The following C12orf54 variants were observed in gnomAD, a reference collection of about 807,000 sequenced individuals.
C12orf54 encodes the protein uncharacterized protein C12orf54.
C12orf54 carries 24 observed loss-of-function variants against 26.4 expected under a neutral mutation model. The observed-to-expected ratio is 0.91, with a 90% CI of 0.66 to 1.28. The LOEUF is 1.28. Among genes scored for constraint, C12orf54 ranks in the 50% most tolerant of loss-of-function variants. The pLI is 0.00. For synonymous variants in C12orf54, 54 were observed against 47.0 expected (o/e 1.15, Z -0.61); for missense variants, 154 against 150.9 (o/e 1.02, Z -0.11).
chr12:48,442,523 A>T, the C12orf54 span: 1 of 157,472 alleles, frequency 6.4e-6, no homozygotes, highest in African/African-American at 2.4e-5. Flanking sequence ...GCCCCCCACC[A>T]GCCCTGAACA....
the C12orf54 span, among the ~76,000 whole-genome samples, chr12:48,465,522 A>G: frequency 2.3e-4 from 35 of 152,144 alleles, no homozygotes; most frequent in African/African-American, 8.4e-4. Context: ...TCAAAGACCT[A>G]AAAACAGAAA....
At chr12:48,493,578 G>A (rs2731108) in intron 7 of C12orf54, among the ~76,000 whole-genome samples, 49,717 of 145,670 alleles carry the variant, frequency 0.34, 8,723 homozygotes, top group African/African-American at 0.36. Context: ...CCATGATCAT[G>A]CCACTTCCCT....
chr12:48,445,180 A>C, the C12orf54 span, among the ~76,000 whole-genome samples: 6 of 152,158 alleles, frequency 3.9e-5, no homozygotes, highest in South Asian at 1.0e-3. Flanking sequence ...CTCTTAAAAA[A>C]AAAAATTAAT....
the C12orf54 span, among the ~76,000 whole-genome samples, chr12:48,444,949 G>C: frequency 1.3e-5 from 2 of 152,178 alleles, no homozygotes; most frequent in South Asian, 2.1e-4. Flanking sequence ...GAGGTGGGCG[G>C]ATCACGAGGT....
At chr12:48,487,836 CCACAGTTCCAACAGTCA>C in intron 4 of C12orf54, 2 of 492,064 alleles carry the variant, frequency 4.1e-6, no homozygotes, top group Non-Finnish European at 3.6e-6. Flanking sequence ...GGGAGACAAC[CCACAGTTCCAACAGTCA>C]CTGGATCCAT....
chr12:48,418,286 C>T, the C12orf54 span, among the ~76,000 whole-genome samples: 1 of 152,144 alleles, frequency 6.6e-6, no homozygotes, highest in African/African-American at 2.4e-5. Flanking sequence ...TTTACTGCCT[C>T]TGTGCTGTCA....
the C12orf54 span, among the ~76,000 whole-genome samples, chr12:48,422,636 T>A: frequency 1.8e-3 from 276 of 152,258 alleles, no homozygotes; most frequent in African/African-American, 6.1e-3. Flanking sequence ...ATCTCAGAAG[T>A]TCTTAGAGGC....
At chr12:48,415,502 C>A in the C12orf54 span, among the ~76,000 whole-genome samples, 2 of 152,144 alleles carry the variant, frequency 1.3e-5, no homozygotes, top group Non-Finnish European at 2.9e-5. Flanking sequence ...CTCAACACAG[C>A]TAACCTCTCT....
At chr12:48,416,958 A>G in the C12orf54 span, among the ~76,000 whole-genome samples, 7 of 152,122 alleles carry the variant, frequency 4.6e-5, no homozygotes, top group African/African-American at 1.7e-4. Context: ...TGAGTTTGGT[A>G]TGATCTCCCC....
At chr12:48,482,708 CCTT>C (rs1954210789) in intron 1 of C12orf54, 132 bp downstream of exon 1, 1 of 151,976 alleles carries the variant, frequency 6.6e-6, no homozygotes, top group African/African-American at 2.4e-5. Context: ...GCCTATGAGC[CCTT>C]CTTCTCTACA....
the C12orf54 span, chr12:48,442,873 G>A: frequency 6.5e-6 from 1 of 154,556 alleles, no homozygotes; most frequent in African/African-American, 2.4e-5. Context: ...ACAGCACAAA[G>A]AGCAGAGTCT....
At chr12:48,486,535 A>G (rs1954268663) in intron 3 of C12orf54, 153 bp from the exon 4 acceptor site, 2 of 741,052 alleles carry the variant, frequency 2.7e-6, no homozygotes, top group Admixed American at 4.7e-5. Flanking sequence ...CCAGGGCTGC[A>G]GGAGACTTTT....
At chr12:48,428,396 GATAA>G in the C12orf54 span, among the ~76,000 whole-genome samples, 9 of 151,214 alleles carry the variant, frequency 6.0e-5, no homozygotes, top group African/African-American at 1.9e-4. Context: ...TCTTTGAAAA[GATAA>G]ATAAAAGTGA....
chr12:48,449,205 A>G, the C12orf54 span, among the ~76,000 whole-genome samples: 2 of 152,004 alleles, frequency 1.3e-5, no homozygotes, highest in African/African-American at 4.8e-5. Flanking sequence ...AATATGCTAG[A>G]CTCTCAGTTC....
chr12:48,461,765 A>G, the C12orf54 span, among the ~76,000 whole-genome samples: 1 of 151,876 alleles, frequency 6.6e-6, no homozygotes, highest in Non-Finnish European at 1.5e-5. Context: ...AGGGAAATGT[A>G]TAGGATTAAA....
At chr12:48,460,470 C>G in the C12orf54 span, among the ~76,000 whole-genome samples, 1 of 138,726 alleles carries the variant, frequency 7.2e-6, no homozygotes, top group Non-Finnish European at 1.6e-5. Context: ...GAAAATGACA[C>G]CAGATGGAAA....
At chr12:48,429,948 T>C in the C12orf54 span, among the ~76,000 whole-genome samples, 18 of 152,148 alleles carry the variant, frequency 1.2e-4, no homozygotes, top group Non-Finnish European at 2.6e-4. Context: ...AACAGCATGG[T>C]ACTGGTACAA....
At chr12:48,419,027 C>G in the C12orf54 span, among the ~76,000 whole-genome samples, 1 of 151,846 alleles carries the variant, frequency 6.6e-6, no homozygotes, top group Non-Finnish European at 1.5e-5. Context: ...GCAGAAATAT[C>G]AATGTTCTGG....
upstream of C12orf54, among the ~76,000 whole-genome samples, chr12:48,480,139 T>G (rs61940774): frequency 0.13 from 19,292 of 152,208 alleles, 1,617 homozygotes; most frequent in Non-Finnish European, 0.2. Context: ...ACAATCAAGT[T>G]GGGCCAACCT....
Sources: gnomAD v4.1 joint callset for allele counts (sites outside exome capture counted in the v4.1 genomes callset) on GRCh38, gnomAD v4.1.1 for gene constraint, MANE v1.5 for transcripts, NCBI Gene and HGNC (gene_info 2026-07-23, HGNC 2026-07-21) for gene names.